UNC13C: variants seen among roughly 807,000 people sequenced by gnomAD.
UNC13C encodes the protein protein unc-13 homolog C.
A neutral mutation model predicts 245.4 loss-of-function variants in UNC13C; 174 were observed. That is an observed-to-expected ratio of 0.71 (90% CI 0.63 to 0.80). The LOEUF (loss-of-function observed/expected upper bound fraction) is 0.80. UNC13C is among the 30% of genes least tolerant of loss of function. UNC13C has a pLI of 0.00. For missense variants in UNC13C, 2,829 were observed against 2,602.9 expected (o/e 1.09, Z -1.89); for synonymous variants, 992 against 895.1 (o/e 1.11, Z -1.93).
At chr15:54,033,427 ACTTAT>A (rs1202209598) in intron 2 of UNC13C, among the ~76,000 whole-genome samples, 14 of 152,204 alleles carry the variant, frequency 9.2e-5, no homozygotes, top group East Asian at 3.9e-4. Flanking sequence ...TAACTTATTG[ACTTAT>A]CTTATTGTCG....
At chr15:53,846,393 C>A in the UNC13C span, among the ~76,000 whole-genome samples, 1 of 152,252 alleles carries the variant, frequency 6.6e-6, no homozygotes, top group Admixed American at 6.5e-5. Flanking sequence ...TGTCTGCATG[C>A]ACTTTACATC....
At position 54,013,580 on chromosome 15, in the gene UNC13C, T is replaced by G; in HGVS notation, c.677T>G (p.Leu226Arg). 1 of 1,613,674 alleles carries G rather than the reference T, an allele frequency of 6.2e-7. No homozygotes were observed. Among genetic ancestry groups the G allele is most frequent in the East Asian group, 2.2e-5 (1 of 44,868 alleles). ...GTCCGAAACCCAAAGACAAATGCCC[T>G]GGAGCCAGGGTTCAGTTCCTCTGGC... ...RTVRNPKTNA[L>R]EPGFSSSGCI... Residue 226 changes from leucine (L) to arginine (R), a missense_variant, in exon 2 of 33, where the codon CTG (leucine) becomes CGG (arginine). Leu to Arg is a moderately radical substitution (Grantham distance 102). Coordinates refer to ENST00000260323, the MANE Select transcript of UNC13C (RefSeq NM_001080534.3).
At chr15:53,898,096 T>C in the UNC13C span, among the ~76,000 whole-genome samples, 1 of 152,182 alleles carries the variant, frequency 6.6e-6, no homozygotes, top group Non-Finnish European at 1.5e-5. Flanking sequence ...CCCATGCTGA[T>C]AGTTCAATAT....
chr15:54,620,065 C>T (rs2141306650), intron 30 of UNC13C, among the ~76,000 whole-genome samples: 1 of 152,290 alleles, frequency 6.6e-6, no homozygotes, highest in Admixed American at 6.5e-5. Context: ...CTACCTTACA[C>T]AGCCAGTTCT....
At chr15:54,442,300 G>C in intron 19 of UNC13C, among the ~76,000 whole-genome samples, 1 of 146,520 alleles carries the variant, frequency 6.8e-6, no homozygotes, top group Non-Finnish European at 1.5e-5. Context: ...GCCCAGGCTG[G>C]AGTGCACTGG....
chr15:54,539,815 G>C (rs180912174), intron 26 of UNC13C, among the ~76,000 whole-genome samples: 16 of 152,084 alleles, frequency 1.1e-4, no homozygotes, highest in African/African-American at 2.9e-4. Context: ...ATAAAACGGG[G>C]CTAATAGATA....
At chr15:54,117,490 T>C (rs146177057) in intron 2 of UNC13C, among the ~76,000 whole-genome samples, 137 of 152,066 alleles carry the variant, frequency 9.0e-4, no homozygotes, top group Admixed American at 4.1e-3. Context: ...TTCTTCTGCA[T>C]ATGGTAATAG....
In UNC13C at chr15:54,494,604, A is replaced by G; in HGVS notation, c.4934-4A>G. 2 of 1,605,346 alleles carry G rather than the reference A, an allele frequency of 1.2e-6. No homozygotes were observed. Among genetic ancestry groups the G allele is most frequent in the Non-Finnish European group, 8.5e-7 (1 of 1,176,158 alleles). ...TATTAAATATTTAATTTTATCTGTT[A>G]TAGAACATGAAAATCAGCGGTTATG... On this transcript the variant is annotated splice_polypyrimidine_tract_variant and splice_region_variant and intron_variant, in intron 19 of 32. Coordinates refer to ENST00000260323, the MANE Select transcript of UNC13C (RefSeq NM_001080534.3).
At chr15:54,541,065 C>G (rs1377810767) in intron 26 of UNC13C, among the ~76,000 whole-genome samples, 25 of 152,054 alleles carry the variant, frequency 1.6e-4, no homozygotes, top group Non-Finnish European at 1.5e-5. Context: ...AAACAGTTTT[C>G]AAATTACAGG....
chr15:54,272,637 C>G (rs1009871055), intron 10 of UNC13C, among the ~76,000 whole-genome samples: 1 of 151,650 alleles, frequency 6.6e-6, no homozygotes, highest in African/African-American at 2.4e-5. Flanking sequence ...TCTTTTTTTT[C>G]TAATCATTGC....
At position 54,268,117 on chromosome 15, in the gene UNC13C, G is replaced by T. The variant is rs116611074; in HGVS notation, c.3818+2621G>T. 8.9e-3 allele frequency among the ~76,000 whole-genome samples: 1,343 copies of T among 151,178 alleles called. 23 individuals are homozygous for T. The highest frequency in any genetic ancestry group is 0.032 in the African/African-American group (1,300 of 41,176). On this transcript the variant is annotated intron_variant, in intron 10 of 32. Transcript: ENST00000260323. ...GTCCTAATGCTCTCCCTCCACTTGC[G>T]CCCCACCCCCCAACTTTACTTAATT...
At chr15:53,999,030 A>G (rs1894762274) in intron 1 of UNC13C, among the ~76,000 whole-genome samples, 1 of 151,940 alleles carries the variant, frequency 6.6e-6, no homozygotes, top group African/African-American at 2.4e-5. Flanking sequence ...TTTTTCATCT[A>G]CGTTCATGAG....
the UNC13C span, among the ~76,000 whole-genome samples, chr15:53,932,947 T>C: frequency 6.6e-6 from 1 of 152,194 alleles, no homozygotes; most frequent in Non-Finnish European, 1.5e-5. Flanking sequence ...CCTCCATTCC[T>C]AAGCTCCAGC....
At position 54,084,230 on chromosome 15, in the gene UNC13C, G is replaced by A. The variant is rs148918314; in HGVS notation, c.2984-58788G>A. On this transcript the variant is annotated intron_variant, in intron 2 of 32. Transcript: ENST00000260323. ...TCCATTCACAGTAACTGTGATCCAC[G>A]TCCCCTTTTTTCTTCAGTTCTGTAC... Among the ~76,000 whole-genome samples, 36 of 152,228 alleles carry A rather than the reference G, an allele frequency of 2.4e-4. No individual in the cohort carries two copies. The East Asian group carries it at 6.8e-3, about 29-fold the overall frequency.
Position 54,120,011 on chromosome 15 carries a change from C to T in UNC13C, c.2984-23007C>T, listed in dbSNP as rs77319603. Among the ~76,000 whole-genome samples, 54 of 152,264 alleles carry T rather than the reference C, an allele frequency of 3.5e-4. No homozygotes were observed. The East Asian group carries it at 9.8e-3, about 28-fold the overall frequency. On this transcript the variant is annotated intron_variant, in intron 2 of 32. Transcript: ENST00000260323. ...AAGCTCTCTCCATAACATAAAAGTA[C>T]AAGGCAAAGCAAAGAAACAAGTGCT...
chr15:54,272,250 G>A (rs928059731), intron 10 of UNC13C, among the ~76,000 whole-genome samples: 6 of 152,112 alleles, frequency 3.9e-5, no homozygotes, highest in Admixed American at 2.0e-4. Context: ...GATGTGGTGC[G>A]CAGAGTGCCT....
chr15:54,235,598 C>T (rs1198324252), intron 5 of UNC13C, among the ~76,000 whole-genome samples: 1 of 152,070 alleles, frequency 6.6e-6, no homozygotes, highest in African/African-American at 2.4e-5. Context: ...TAAAGAAAAT[C>T]ATGGTTCACT....
At chr15:54,610,124 GATCTT>G (rs1440407918) in intron 30 of UNC13C, among the ~76,000 whole-genome samples, 5 of 152,064 alleles carry the variant, frequency 3.3e-5, no homozygotes, top group Non-Finnish European at 5.9e-5. Flanking sequence ...TTTTTAAATA[GATCTT>G]ATCTTATATA....
chr15:54,542,180 T>A (rs1240365511), intron 26 of UNC13C, among the ~76,000 whole-genome samples: 1 of 152,148 alleles, frequency 6.6e-6, no homozygotes, highest in East Asian at 1.9e-4. Context: ...TAAAGATATT[T>A]TACTTTGTGT....
Sources: gnomAD v4.1 joint callset for allele counts (sites outside exome capture counted in the v4.1 genomes callset) on GRCh38, gnomAD v4.1.1 for gene constraint, MANE v1.5 for transcripts, NCBI Gene and HGNC (gene_info 2026-07-23, HGNC 2026-07-21) for gene names.